TBCE: variants seen among roughly 807,000 people sequenced by gnomAD.
The protein encoded by TBCE is tubulin folding cofactor E.
In TBCE, 53 loss-of-function variants were observed where a neutral mutation model predicts 77.0. The ratio of observed to expected loss-of-function variants is 0.69; its 90% CI spans 0.55 to 0.87. TBCE has a LOEUF of 0.87. TBCE is among the 40% of genes least tolerant of loss of function. TBCE has a pLI of 0.00. For missense variants in TBCE, 624 were observed against 622.4 expected (o/e 1.00, Z -0.03); for synonymous variants, 235 against 241.3 (o/e 0.97, Z 0.24).
chr1:235,386,804 A>G (rs1338305667), intron 2 of TBCE, among the ~76,000 whole-genome samples: 3 of 152,114 alleles, frequency 2.0e-5, no homozygotes, highest in Non-Finnish European at 4.4e-5. Context: ...CAATTTGTCA[A>G]AGTCATTCTC....
intron 1 of TBCE, among the ~76,000 whole-genome samples, chr1:235,377,221 C>T (rs902865839): frequency 6.6e-6 from 1 of 152,190 alleles, no homozygotes; most frequent in African/African-American, 2.4e-5. Context: ...TGCTCTGTCG[C>T]CAGGCTGGAG....
At chr1:235,425,118 G>A (rs987967157) in intron 5 of TBCE, among the ~76,000 whole-genome samples, 1 of 152,142 alleles carries the variant, frequency 6.6e-6, no homozygotes, top group Non-Finnish European at 1.5e-5. Flanking sequence ...TTCCACATCT[G>A]TCTCTCCAGC....
At position 235,401,516 on chromosome 1, in the gene TBCE, A is replaced by G. The variant is rs767555366; in HGVS notation, c.114A>G (p.Gly38=). 4.3e-6 allele frequency: 7 copies of G among 1,613,852 alleles called. No individual in the cohort carries two copies. The South Asian group carries it at 4.4e-5, about 10-fold the overall frequency. ...TTGTTCTGCTAGGACCCTGGTTAGG[A>G]GTAGAATGGGACAATCCCGAGAGAG... ...VVPPVAGPWL[G]VEWDNPERGK... is the part of the protein sequence containing the mutation. Residue 38 remains glycine, a synonymous_variant, in exon 3 of 17, where the codon GGA becomes GGG. Transcript: ENST00000642610.
At chr1:235,384,102 A>G in intron 2 of TBCE, among the ~76,000 whole-genome samples, 1 of 147,642 alleles carries the variant, frequency 6.8e-6, no homozygotes, top group Non-Finnish European at 1.5e-5. Flanking sequence ...GGTTCTGTTT[A>G]TATGCTGGAT....
intron 14 of TBCE, among the ~76,000 whole-genome samples, chr1:235,442,597 A>C (rs1681969041): frequency 6.6e-6 from 1 of 152,218 alleles, no homozygotes; most frequent in Non-Finnish European, 1.5e-5. Context: ...GTGATTTGTG[A>C]ATTTATGACT....
At chr1:235,439,944 G>A (rs1460867514) in intron 13 of TBCE, among the ~76,000 whole-genome samples, 1 of 151,932 alleles carries the variant, frequency 6.6e-6, no homozygotes, top group East Asian at 1.9e-4. Flanking sequence ...TGGGACTACA[G>A]GCGCACACCA....
In TBCE at chr1:235,434,107, C is replaced by T. The variant is rs1447625817; in HGVS notation, c.661-97C>T. The T allele has an allele frequency of 5.6e-6, 6 of 1,079,246 alleles. No individual in the cohort carries two copies. The African/African-American group carries it at 7.7e-5, about 14-fold the overall frequency. The allele number at this position is 1,079,246 out of a possible 1,614,324, so 66.9% of individuals were successfully genotyped here. ...TCCGTGAGGCACTTGTTTGCTGAAA[C>T]AGTAACTGAGCTGAATTCTTGTGGT... On this transcript the variant is annotated intron_variant, in intron 7 of 16. Transcript: ENST00000642610.
At chr1:235,394,132 TG>T (rs1678578783) in intron 2 of TBCE, among the ~76,000 whole-genome samples, 1 of 152,186 alleles carries the variant, frequency 6.6e-6, no homozygotes, top group African/African-American at 2.4e-5. Context: ...TGGAGTGCAG[TG>T]GTGCAATCTC....
intron 2 of TBCE, among the ~76,000 whole-genome samples, chr1:235,394,917 C>G (rs1678636967): frequency 6.6e-6 from 1 of 152,106 alleles, no homozygotes. Flanking sequence ...GGCGCCCAGA[C>G]TGGACTTGAA....
chr1:235,385,838 G>A (rs541185645), intron 2 of TBCE, among the ~76,000 whole-genome samples: 96 of 152,242 alleles, frequency 6.3e-4, no homozygotes, highest in African/African-American at 2.0e-3. Flanking sequence ...ATATTGTTAT[G>A]TGTGAATTTC....
chr1:235,380,163 GTGT>G lies in TBCE; in HGVS notation c.100+15_100+17del, dbSNP rs752443199. On this transcript the variant is annotated intron_variant, in intron 2 of 16. Transcript: ENST00000642610. ...CTCCCGTGGCAGGTAAGCAATTATT[GTGT>G]GTGTGTGTGTGTGTGTGTGTGTGTG... 444 of 11,980 alleles carry G rather than the reference GTGT, an allele frequency of 0.037. No homozygotes were observed. Among genetic ancestry groups the G allele is most frequent in the Non-Finnish European group, 0.041 (378 of 9,230 alleles). 0.7% of individuals were successfully genotyped at this position (11,980 alleles called of 1,614,324 possible).
intron 1 of TBCE, among the ~76,000 whole-genome samples, chr1:235,369,368 G>T (rs1042335517): frequency 1.3e-5 from 2 of 151,826 alleles, no homozygotes; most frequent in Non-Finnish European, 2.9e-5. Context: ...TTAGCCGGGC[G>T]TGGTGGTGCG....
At chr1:235,414,382 C>T (rs933431115) in intron 3 of TBCE, 51 bp from the exon 4 acceptor site, 1 of 1,583,036 alleles carries the variant, frequency 6.3e-7, no homozygotes, top group Admixed American at 1.7e-5. Flanking sequence ...GTATTTATGG[C>T]CTTTCTTGGT....
chr1:235,389,721 A>C (rs907728077), intron 2 of TBCE, among the ~76,000 whole-genome samples: 13 of 152,188 alleles, frequency 8.5e-5, no homozygotes, highest in African/African-American at 2.9e-4. Context: ...CGGTTACTTC[A>C]CTGGATGTTG....
chr1:235,420,619 G>C (rs10925666), intron 5 of TBCE, among the ~76,000 whole-genome samples: 1 of 151,596 alleles, frequency 6.6e-6, no homozygotes, highest in Non-Finnish European at 1.5e-5. Context: ...AGTAGCTGGG[G>C]CTACAGGCGC....
In TBCE at chr1:235,446,542, T is replaced by C. The variant is rs906638395; in HGVS notation, c.1400-1807T>C. On this transcript the variant is annotated intron_variant, in intron 15 of 16. Transcript: ENST00000642610. Reference sequence around the variant, plus strand: ...GCCTAGAGGTATACCTCTCAAATTTTTAACACTGGTCATAGGCAGGTAAAA... The same window carrying C: ...GCCTAGAGGTATACCTCTCAAATTTCTAACACTGGTCATAGGCAGGTAAAA... Among the ~76,000 whole-genome samples the C allele has an allele frequency of 3.0e-4, 45 of 152,342 alleles. 1 individual carries two copies. Among genetic ancestry groups the C allele is most frequent in the Admixed American group, 9.1e-4 (14 of 15,306 alleles).
chr1:235,375,740 T>G (rs1677252302), intron 1 of TBCE, among the ~76,000 whole-genome samples: 1 of 151,918 alleles, frequency 6.6e-6, no homozygotes, highest in African/African-American at 2.4e-5. Flanking sequence ...CTAGACAGGA[T>G]CATCAAAAAT....
intron 8 of TBCE, among the ~76,000 whole-genome samples, 187 bp from the exon 9 acceptor site, chr1:235,435,558 G>A (rs537482751): frequency 1.3e-5 from 2 of 152,294 alleles, no homozygotes; most frequent in East Asian, 1.9e-4. Context: ...CAGGCTAGGT[G>A]TGACACTGAT....
intron 3 of TBCE, among the ~76,000 whole-genome samples, chr1:235,405,874 C>T (rs1453759039): frequency 6.6e-6 from 1 of 152,100 alleles, no homozygotes; most frequent in Non-Finnish European, 1.5e-5. Context: ...TACAGCTTCA[C>T]TAGGAGATAG....
Sources: allele counts gnomAD v4.1 joint callset (sites outside exome capture counted in the v4.1 genomes callset), GRCh38; gene constraint gnomAD v4.1.1; transcripts MANE v1.5; gene names NCBI Gene and HGNC (gene_info 2026-07-23, HGNC 2026-07-21).